The following PRR5L variants were observed in gnomAD, a reference collection of about 807,000 sequenced individuals.
The protein encoded by PRR5L is proline-rich protein 5-like.
In PRR5L, 21 loss-of-function variants were observed where a neutral mutation model predicts 36.4. The ratio of observed to expected loss-of-function variants is 0.58; its 90% CI spans 0.41 to 0.83. The LOEUF (loss-of-function observed/expected upper bound fraction) is 0.83. Ranked by LOEUF, PRR5L falls within the 40% of genes least tolerant of loss-of-function variation. The pLI, the probability that PRR5L is intolerant of heterozygous loss-of-function variation, is 0.00. For missense variants in PRR5L, 381 were observed against 473.3 expected (o/e 0.80, Z 1.81); for synonymous variants, 188 against 197.0 (o/e 0.95, Z 0.38).
intron 1 of PRR5L, among the ~76,000 whole-genome samples, chr11:36,307,395 C>G (rs1856446610): frequency 6.6e-6 from 1 of 152,146 alleles, no homozygotes; most frequent in Non-Finnish European, 1.5e-5. Flanking sequence ...GAGTCATCAA[C>G]AAGGATATTT....
intron 1 of PRR5L, among the ~76,000 whole-genome samples, chr11:36,366,866 T>A (rs369762797): frequency 2.6e-5 from 4 of 152,254 alleles, no homozygotes; most frequent in East Asian, 1.9e-4. Context: ...ACAGTAGAGT[T>A]TAAAACTCCT....
rs183950259 is a variant in PRR5L at position 36,433,139 on chromosome 11, T to C, written c.352+1229T>C. On this transcript the variant is annotated intron_variant, in intron 5 of 8. Coordinates refer to ENST00000530639, the MANE Select transcript of PRR5L (RefSeq NM_001160167.2). Reference sequence around the variant, plus strand: ...CACACAATATAAAATATACCCTCTTTATAATTTCAGTACTTTACAGTTCAG... The same window carrying C: ...CACACAATATAAAATATACCCTCTTCATAATTTCAGTACTTTACAGTTCAG... 1.9e-4 allele frequency among the ~76,000 whole-genome samples: 29 copies of C among 152,330 alleles called. 1 individual carries two copies. Among genetic ancestry groups the C allele is most frequent in the African/African-American group, 7.0e-4 (29 of 41,576 alleles).
At chr11:36,330,405 A>G (rs1403715947) in intron 1 of PRR5L, among the ~76,000 whole-genome samples, 4 of 152,206 alleles carry the variant, frequency 2.6e-5, no homozygotes, top group Non-Finnish European at 4.4e-5. Context: ...ATGAACCCCT[A>G]TCTCCTCTAT....
At chr11:36,385,905 C>G (rs1220596650) in intron 1 of PRR5L, among the ~76,000 whole-genome samples, 1 of 152,196 alleles carries the variant, frequency 6.6e-6, no homozygotes, top group Non-Finnish European at 1.5e-5. Context: ...TAGGTGGACC[C>G]AAGTTTAGTC....
At chr11:36,428,075 GC>G (rs1858419062) in intron 4 of PRR5L, among the ~76,000 whole-genome samples, 1 of 152,216 alleles carries the variant, frequency 6.6e-6, no homozygotes, top group Admixed American at 6.5e-5. Context: ...CCACAACATT[GC>G]AGGGTGCATG....
At chr11:36,427,847 T>C (rs1452864248) in intron 4 of PRR5L, among the ~76,000 whole-genome samples, 1 of 152,196 alleles carries the variant, frequency 6.6e-6, no homozygotes, top group East Asian at 1.9e-4. Context: ...AAAACAACTC[T>C]ACTCACCAGA....
Position 36,375,000 on chromosome 11 carries a change from C to T in PRR5L, c.-125-25997C>T, listed in dbSNP as rs141178541. Among the ~76,000 whole-genome samples, 724 of 152,148 alleles carry T rather than the reference C, an allele frequency of 4.8e-3. 6 individuals are homozygous for T. Among genetic ancestry groups the T allele is most frequent in the African/African-American group, 0.016 (678 of 41,502 alleles). On this transcript the variant is annotated intron_variant, in intron 1 of 8. Transcript: ENST00000530639. ...CTATAATCCCAGCTCTTTGGGAGGC[C>T]GAGACATGTGGATCACTTGAGGTCA...
chr11:36,306,827 A>G (rs1187637814), intron 1 of PRR5L, among the ~76,000 whole-genome samples: 1 of 152,182 alleles, frequency 6.6e-6, no homozygotes, highest in Non-Finnish European at 1.5e-5. Context: ...ATCAGGTGTC[A>G]ACTTCCTCTT....
intron 1 of PRR5L, among the ~76,000 whole-genome samples, chr11:36,343,694 T>C (rs1307130251): frequency 6.6e-6 from 1 of 152,180 alleles, no homozygotes; most frequent in Non-Finnish European, 1.5e-5. Context: ...TTCCATCACT[T>C]ACCAAAAAGA....
chr11:36,417,844 G>T (rs974230160), intron 3 of PRR5L, among the ~76,000 whole-genome samples: 1 of 152,182 alleles, frequency 6.6e-6, no homozygotes, highest in Non-Finnish European at 1.5e-5. Flanking sequence ...TTGAGCATTT[G>T]CTCCTTAATA....
chr11:36,372,752 G>A (rs1261579332), intron 1 of PRR5L, among the ~76,000 whole-genome samples: 1 of 152,178 alleles, frequency 6.6e-6, no homozygotes, highest in Non-Finnish European at 1.5e-5. Flanking sequence ...CAAGAATGAT[G>A]CCAGGTCCCC....
At chr11:36,353,666 A>G (rs1009820488) in intron 1 of PRR5L, among the ~76,000 whole-genome samples, 17 of 152,108 alleles carry the variant, frequency 1.1e-4, no homozygotes, top group African/African-American at 4.1e-4. Context: ...TTAGATTCTC[A>G]TAAGGAGCAC....
Position 36,451,326 on chromosome 11 carries a change from T to G in PRR5L, c.703T>G (p.Tyr235Asp), listed in dbSNP as rs1205182362. The G allele has an allele frequency of 6.2e-7, 1 of 1,614,154 alleles. No individual in the cohort carries two copies. The highest frequency in any genetic ancestry group is 8.5e-7 in the Non-Finnish European group (1 of 1,180,004). The change falls in exon 8 of 9, where the codon TAC becomes GAC. Residue 235 changes from tyrosine to aspartate, a missense_variant. Coordinates refer to ENST00000530639, the MANE Select transcript of PRR5L (RefSeq NM_001160167.2). ...SGDRSFSGPT[Y>D]TLARRHSRVR... ...GGACCGTAGCTTCTCAGGCCCCACG[T>G]ACACGCTGGGTAAGGAGTGCAGCTC...
At chr11:36,424,123 T>A (rs1399891086) in intron 4 of PRR5L, among the ~76,000 whole-genome samples, 1 of 152,238 alleles carries the variant, frequency 6.6e-6, no homozygotes, top group East Asian at 1.9e-4. Flanking sequence ...ACCACAGGTC[T>A]TAATATAATT....
chr11:36,347,196 C>T (rs1036045177), intron 1 of PRR5L, among the ~76,000 whole-genome samples: 3 of 152,032 alleles, frequency 2.0e-5, no homozygotes, highest in Non-Finnish European at 4.4e-5. Context: ...TTTCTGTTTT[C>T]TTTGATTTGA....
chr11:36,412,292 T>C (rs1402975906), intron 3 of PRR5L, among the ~76,000 whole-genome samples: 1 of 152,172 alleles, frequency 6.6e-6, no homozygotes, highest in African/African-American at 2.4e-5. Context: ...TAGGCTTAAA[T>C]GTGGGAACGC....
At chr11:36,446,986 T>C (rs944267301) in intron 7 of PRR5L, among the ~76,000 whole-genome samples, 10 of 152,236 alleles carry the variant, frequency 6.6e-5, no homozygotes, top group African/African-American at 2.4e-4. Context: ...TGCAGGCTTA[T>C]GTTCTGTGTT....
chr11:36,428,731 TAC>T (rs1858433614), intron 4 of PRR5L, among the ~76,000 whole-genome samples: 1 of 152,192 alleles, frequency 6.6e-6, no homozygotes, highest in African/African-American at 2.4e-5. Context: ...GAGCAAAATC[TAC>T]AGACTCCTGG....
intron 1 of PRR5L, among the ~76,000 whole-genome samples, chr11:36,375,250 G>T (rs1857242401): frequency 7.0e-6 from 1 of 142,772 alleles, no homozygotes; most frequent in African/African-American, 2.6e-5. Context: ...AAAAAAAAAA[G>T]ATTTTGTTTC....
Sources: gnomAD v4.1 joint callset for allele counts (sites outside exome capture counted in the v4.1 genomes callset) on GRCh38, gnomAD v4.1.1 for gene constraint, MANE v1.5 for transcripts, NCBI Gene and HGNC (gene_info 2026-07-23, HGNC 2026-07-21) for gene names.